Variants in PTPRT observed in about 807,000 individuals in gnomAD.
PTPRT encodes receptor-type tyrosine-protein phosphatase T.
PTPRT carries 56 observed loss-of-function variants against 176.8 expected under a neutral mutation model. That is an observed-to-expected ratio of 0.32 (90% CI 0.26 to 0.40). The LOEUF is 0.40. Ranked by LOEUF, PTPRT falls within the 10% of genes least tolerant of loss-of-function variation. The pLI is 1.00. For synonymous variants in PTPRT, 783 were observed against 739.0 expected (o/e 1.06, Z -0.96); for missense variants, 1,540 against 1,908.2 (o/e 0.81, Z 3.60).
intron 7 of PTPRT, among the ~76,000 whole-genome samples, chr20:42,574,932 G>A (rs1601300420): frequency 6.6e-6 from 1 of 152,064 alleles, no homozygotes; most frequent in Non-Finnish European, 1.5e-5. Context: ...CATGTAAGAC[G>A]TGCCTTGATT....
chr20:42,270,536 G>C, intron 13 of PTPRT: 1 of 1,205,554 alleles, frequency 8.3e-7, no homozygotes, highest in South Asian at 1.4e-5. Flanking sequence ...GCAGCACGGT[G>C]AACAAAACTG....
intron 1 of PTPRT, among the ~76,000 whole-genome samples, chr20:43,139,331 A>C (rs1380418476): frequency 6.6e-6 from 1 of 151,438 alleles, no homozygotes; most frequent in Non-Finnish European, 1.5e-5. Context: ...TCTCCTCCAT[A>C]CTCCCTGTGC....
intron 1 of PTPRT, among the ~76,000 whole-genome samples, chr20:43,108,745 A>G (rs2012728221): frequency 6.6e-6 from 1 of 152,158 alleles, no homozygotes; most frequent in South Asian, 2.1e-4. Context: ...GAAGCCAATA[A>G]TGTGAAAAGC....
the PTPRT span, among the ~76,000 whole-genome samples, chr20:42,040,932 A>G: frequency 1.9e-4 from 29 of 152,278 alleles, no homozygotes; most frequent in African/African-American, 6.7e-4. Context: ...TTTCAGTATC[A>G]TATTCCAGAT....
chr20:43,141,091 CTT>C (rs2013989002), intron 1 of PTPRT, among the ~76,000 whole-genome samples: 1 of 152,206 alleles, frequency 6.6e-6, no homozygotes, highest in Non-Finnish European at 1.5e-5. Flanking sequence ...AAAGAGCTAA[CTT>C]TTAAGAAATC....
At chr20:42,652,929 C>G (rs2075058234) in intron 7 of PTPRT, among the ~76,000 whole-genome samples, 1 of 152,180 alleles carries the variant, frequency 6.6e-6, no homozygotes, top group Admixed American at 6.5e-5. Flanking sequence ...CTGACCAGTG[C>G]TCTACCAGTT....
chr20:42,699,544 T>C (rs1404881157), intron 6 of PTPRT, among the ~76,000 whole-genome samples: 1 of 152,196 alleles, frequency 6.6e-6, no homozygotes, highest in East Asian at 1.9e-4. Context: ...AAGGAAAGCA[T>C]GTGTCATTTT....
chr20:42,257,686 G>A (rs2056672605), intron 13 of PTPRT, among the ~76,000 whole-genome samples: 1 of 119,152 alleles, frequency 8.4e-6, no homozygotes. Flanking sequence ...TCCTGATCCT[G>A]CCATGTAAGA....
intron 1 of PTPRT, among the ~76,000 whole-genome samples, chr20:42,945,897 A>C (rs1031829080): frequency 6.6e-6 from 1 of 152,124 alleles, no homozygotes; most frequent in African/African-American, 2.4e-5. Flanking sequence ...CCCAGCCCTT[A>C]GTAACCAATA....
At chr20:42,920,366 G>A (rs989264518) in intron 1 of PTPRT, among the ~76,000 whole-genome samples, 4 of 152,132 alleles carry the variant, frequency 2.6e-5, no homozygotes, top group African/African-American at 9.7e-5. Context: ...TCAAAAAGCA[G>A]ATAAGTGGTC....
chr20:42,647,758 T>C (rs2074939300), intron 7 of PTPRT, among the ~76,000 whole-genome samples: 1 of 152,206 alleles, frequency 6.6e-6, no homozygotes, highest in Admixed American at 6.5e-5. Flanking sequence ...GCGTCTGTGA[T>C]ACCGGCTGAC....
intron 15 of PTPRT, among the ~76,000 whole-genome samples, chr20:42,229,438 C>T (rs996178783): frequency 2.0e-5 from 3 of 152,164 alleles, no homozygotes; most frequent in Non-Finnish European, 4.4e-5. Context: ...TCTTCTATTC[C>T]TATTTTTTCT....
At chr20:42,324,665 G>A (rs2057855753) in intron 11 of PTPRT, among the ~76,000 whole-genome samples, 1 of 152,108 alleles carries the variant, frequency 6.6e-6, no homozygotes, top group East Asian at 1.9e-4. Context: ...GGATAAGATG[G>A]GCTAAGAAAC....
At chr20:43,068,401 G>A (rs974095980) in intron 1 of PTPRT, among the ~76,000 whole-genome samples, 1 of 151,094 alleles carries the variant, frequency 6.6e-6, no homozygotes, top group African/African-American at 2.4e-5. Context: ...AGCTACTCAG[G>A]AGGCTGAGGC....
intron 13 of PTPRT, among the ~76,000 whole-genome samples, chr20:42,263,819 C>A (rs529554008): frequency 6.6e-6 from 1 of 152,050 alleles, no homozygotes; most frequent in East Asian, 1.9e-4. Context: ...GCCACCATAC[C>A]TGGCCTGAAT....
chr20:42,333,348 T>C lies in PTPRT; in HGVS notation c.1865+17280A>G, dbSNP rs561370786. On this transcript the variant is annotated intron_variant, in intron 11 of 30. Transcript: ENST00000373187. ...TATTAATATGTATAGGCTTAGTTTT[T>C]TTGAGATGGAGTCTCGCTCTGTTAC... 7.2e-5 allele frequency among the ~76,000 whole-genome samples: 11 copies of C among 152,326 alleles called. No individual in the cohort carries two copies. The South Asian group carries it at 2.3e-3, about 32-fold the overall frequency.
chr20:42,258,719 T>G (rs2056693652), intron 13 of PTPRT, among the ~76,000 whole-genome samples: 2 of 152,194 alleles, frequency 1.3e-5, no homozygotes, highest in South Asian at 4.2e-4. Flanking sequence ...CTAAGTGACA[T>G]CACCTAGGAT....
rs148545416 is a variant in PTPRT at position 42,175,343 on chromosome 20, G to A, written c.2492-13801C>T. Among the ~76,000 whole-genome samples the A allele has an allele frequency of 5.2e-4, 79 of 151,838 alleles. 1 individual carries two copies. The highest frequency in any genetic ancestry group is 1.0e-3 in the Admixed American group (16 of 15,246). On this transcript the variant is annotated intron_variant, in intron 16 of 30. Coordinates refer to ENST00000373187, the MANE Select transcript of PTPRT (RefSeq NM_007050.6). ...CACACTGTCTCCTCACTGAATTCTC[G>A]CCCACCTGAGAATCTGTACAGGACG...
chr20:43,073,212 C>G (rs1350680612), intron 1 of PTPRT, among the ~76,000 whole-genome samples: 1 of 152,176 alleles, frequency 6.6e-6, no homozygotes, highest in Non-Finnish European at 1.5e-5. Context: ...GAGATAGACT[C>G]TCTTCCTCCA....
Sources: gnomAD v4.1 joint callset for allele counts (sites outside exome capture counted in the v4.1 genomes callset) on GRCh38, gnomAD v4.1.1 for gene constraint, MANE v1.5 for transcripts, NCBI Gene and HGNC (gene_info 2026-07-23, HGNC 2026-07-21) for gene names.